The following BEND5 variants were observed in gnomAD, a reference collection of about 807,000 sequenced individuals.
BEND5 encodes the protein BEN domain-containing protein 5.
A neutral mutation model predicts 43.9 loss-of-function variants in BEND5; 22 were observed. That is an observed-to-expected ratio of 0.50 (90% CI 0.36 to 0.72). The LOEUF is 0.72. Ranked by LOEUF, BEND5 falls within the 30% of genes least tolerant of loss-of-function variation. BEND5 has a pLI of 0.00. For missense variants in BEND5, 428 were observed against 550.6 expected (o/e 0.78, Z 2.23); for synonymous variants, 228 against 225.9 (o/e 1.01, Z -0.08).
At position 48,772,523 on chromosome 1, in the gene BEND5, T is replaced by C. The variant is rs149012673; in HGVS notation, c.226+4083A>G. Reference sequence around the variant, plus strand: ...AGAAGAGTAAAAAATACCATAGGTCTCAGGGAAAGGGGAAGAGAGAGTGAG... The same window carrying C: ...AGAAGAGTAAAAAATACCATAGGTCCCAGGGAAAGGGGAAGAGAGAGTGAG... On this transcript the variant is annotated intron_variant, in intron 1 of 5. Coordinates refer to ENST00000371833, the MANE Select transcript of BEND5 (RefSeq NM_024603.4). 1.6e-4 allele frequency among the ~76,000 whole-genome samples: 25 copies of C among 152,124 alleles called. No homozygotes were observed. In the East Asian group the frequency reaches 4.8e-3, roughly 29 times the overall value.
chr1:48,732,350 C>T (rs1391229182), intron 5 of BEND5, among the ~76,000 whole-genome samples: 1 of 152,170 alleles, frequency 6.6e-6, no homozygotes, highest in Non-Finnish European at 1.5e-5. Flanking sequence ...GAGTCAAATA[C>T]AGATTTGGGA....
At chr1:48,763,232 A>G (rs1644366097) in intron 1 of BEND5, among the ~76,000 whole-genome samples, 1 of 152,164 alleles carries the variant, frequency 6.6e-6, no homozygotes, top group Admixed American at 6.5e-5. Flanking sequence ...GGCCTTTCCC[A>G]CTGAGTGGAG....
chr1:48,751,427 C>T (rs1570502585), intron 3 of BEND5, among the ~76,000 whole-genome samples: 2 of 152,180 alleles, frequency 1.3e-5, no homozygotes, highest in East Asian at 3.9e-4. Context: ...TGACGCATGG[C>T]AAAGCAAGAG....
At chr1:48,731,956 T>C (rs139730771) in intron 5 of BEND5, among the ~76,000 whole-genome samples, 14 of 151,928 alleles carry the variant, frequency 9.2e-5, no homozygotes, top group South Asian at 8.4e-4. Flanking sequence ...GCCAGAGTAA[T>C]GGAGGGGAGA....
In BEND5 at chr1:48,751,173, T is replaced by C. The variant is rs144045877; in HGVS notation, c.745+7727A>G. On this transcript the variant is annotated intron_variant, in intron 3 of 5. Transcript: ENST00000371833. ...CTAAAGAGACAATTTCTAAGAAAAC[T>C]CCAGGAATTGTCCAATTGGTATCTT... 1.6e-3 allele frequency among the ~76,000 whole-genome samples: 246 copies of C among 152,274 alleles called. 5 individuals are homozygous for C. The South Asian group carries it at 0.047, about 29-fold the overall frequency.
At chr1:48,748,877 A>C (rs1005022506) in intron 3 of BEND5, among the ~76,000 whole-genome samples, 1 of 152,062 alleles carries the variant, frequency 6.6e-6, no homozygotes, top group Non-Finnish European at 1.5e-5. Context: ...TGAGGGCAGG[A>C]GCAGGCTTCG....
chr1:48,775,059 T>C (rs769470389), intron 1 of BEND5, among the ~76,000 whole-genome samples: 2 of 152,220 alleles, frequency 1.3e-5, no homozygotes, highest in African/African-American at 2.4e-5. Context: ...TTCCTAATCC[T>C]TTCCCTCAGG....
chr1:48,740,252 T>A (rs1649704941), intron 4 of BEND5, among the ~76,000 whole-genome samples: 2 of 152,178 alleles, frequency 1.3e-5, no homozygotes, highest in Non-Finnish European at 2.9e-5. Flanking sequence ...CAAGGTCACC[T>A]GGAGCAATGT....
At chr1:48,735,307 C>A (rs964252080) in intron 5 of BEND5, among the ~76,000 whole-genome samples, 1 of 152,030 alleles carries the variant, frequency 6.6e-6, no homozygotes, top group African/African-American at 2.4e-5. Context: ...ATATGAACTC[C>A]TTGCAGATGA....
At chr1:48,742,147 C>T (rs1650014017) in intron 4 of BEND5, among the ~76,000 whole-genome samples, 1 of 152,154 alleles carries the variant, frequency 6.6e-6, no homozygotes, top group African/African-American at 2.4e-5. Context: ...CTTGTTCTTC[C>T]CTGTATTCCT....
intron 1 of BEND5, among the ~76,000 whole-genome samples, chr1:48,775,586 G>C (rs1282552655): frequency 6.6e-6 from 1 of 152,178 alleles, no homozygotes; most frequent in Non-Finnish European, 1.5e-5. Flanking sequence ...CCCCAAAACG[G>C]AGATGATACT....
intron 1 of BEND5, among the ~76,000 whole-genome samples, chr1:48,768,622 G>A (rs1195857375): frequency 1.3e-5 from 2 of 152,112 alleles, no homozygotes; most frequent in Admixed American, 6.5e-5. Flanking sequence ...TATTAAAATG[G>A]GAGAAATTTT....
intron 3 of BEND5, among the ~76,000 whole-genome samples, chr1:48,749,229 A>T (rs1424109865): frequency 6.6e-6 from 1 of 152,036 alleles, no homozygotes; most frequent in African/African-American, 2.4e-5. Flanking sequence ...TATCAAATGT[A>T]TCTCTCTTTT....
At chr1:48,776,223 G>A (rs1645071925) in intron 1 of BEND5, among the ~76,000 whole-genome samples, 1 of 152,196 alleles carries the variant, frequency 6.6e-6, no homozygotes, top group East Asian at 1.9e-4. Context: ...AGAACAGAGG[G>A]AAGGAACTGG....
intron 3 of BEND5, among the ~76,000 whole-genome samples, chr1:48,751,670 T>G (rs1651755734): frequency 6.6e-6 from 1 of 152,200 alleles, no homozygotes; most frequent in African/African-American, 2.4e-5. Flanking sequence ...GCTTGTCACA[T>G]GGCAATATGG....
intron 1 of BEND5, among the ~76,000 whole-genome samples, chr1:48,770,511 C>A (rs184809211): frequency 6.6e-6 from 1 of 152,248 alleles, no homozygotes; most frequent in Non-Finnish European, 1.5e-5. Context: ...TCTGCCCTTG[C>A]ACGCTTCTCT....
At chr1:48,756,685 G>A (rs1159638754) in intron 3 of BEND5, among the ~76,000 whole-genome samples, 3 of 152,162 alleles carry the variant, frequency 2.0e-5, no homozygotes, top group Admixed American at 6.5e-5. Context: ...TTATTCTTGC[G>A]GATTTGTCTT....
chr1:48,775,033 C>G (rs537589060), intron 1 of BEND5, among the ~76,000 whole-genome samples: 1 of 152,184 alleles, frequency 6.6e-6, no homozygotes, highest in Non-Finnish European at 1.5e-5. Flanking sequence ...TCAAGCCTAT[C>G]GTCTTGGGAA....
chr1:48,744,824 C>T (rs1469247067), intron 3 of BEND5, among the ~76,000 whole-genome samples: 6 of 152,316 alleles, frequency 3.9e-5, no homozygotes, highest in African/African-American at 1.2e-4. Context: ...TTCTTGCCCC[C>T]CACCAATATT....
Sources: allele counts gnomAD v4.1 joint callset (sites outside exome capture counted in the v4.1 genomes callset), GRCh38; gene constraint gnomAD v4.1.1; transcripts MANE v1.5; gene names NCBI Gene and HGNC (gene_info 2026-07-23, HGNC 2026-07-21).